Variants in COL9A3 observed in about 807,000 individuals in gnomAD.
COL9A3 encodes collagen type IX alpha 3 chain.
A neutral mutation model predicts 110.2 loss-of-function variants in COL9A3; 82 were observed. That is an observed-to-expected ratio of 0.74 (90% confidence interval 0.62 to 0.89). COL9A3 has a LOEUF of 0.89. Ranked by LOEUF, COL9A3 falls within the 40% of genes least tolerant of loss-of-function variation. The pLI, the probability that COL9A3 is intolerant of heterozygous loss-of-function variation, is 0.00. For missense variants in COL9A3, 1,066 were observed against 981.3 expected (o/e 1.09, Z -1.15); for synonymous variants, 494 against 403.8 (o/e 1.22, Z -2.68).
intron 10 of COL9A3, among the ~76,000 whole-genome samples, chr20:62,823,612 C>T (rs918729362): frequency 6.6e-6 from 1 of 152,190 alleles, no homozygotes; most frequent in Non-Finnish European, 1.5e-5. Flanking sequence ...GGCCCCCGAT[C>T]GTGGGCTGAG....
intron 26 of COL9A3, among the ~76,000 whole-genome samples, chr20:62,835,357 CAGAG>C (rs962945882): frequency 5.3e-5 from 8 of 152,152 alleles, no homozygotes; most frequent in Non-Finnish European, 1.2e-4. Flanking sequence ...GAGGAGGTGC[CAGAG>C]AGAGAAAGGG....
intron 30 of COL9A3, among the ~76,000 whole-genome samples, chr20:62,837,488 A>G (rs916711473): frequency 1.4e-4 from 22 of 152,302 alleles, no homozygotes; most frequent in Admixed American, 3.3e-4. Context: ...CCATTAGAAC[A>G]ATATTTGGCA....
chr20:62,817,377 G>C, intron 1 of COL9A3, 190 bp from the exon 2 acceptor site: 2 of 534,930 alleles, frequency 3.7e-6, no homozygotes, highest in East Asian at 7.0e-5. Context: ...GGGGGCCTTT[G>C]TTCCCGCCGC....
chr20:62,833,984 C>G (rs1435623824), intron 26 of COL9A3, among the ~76,000 whole-genome samples: 1 of 152,194 alleles, frequency 6.6e-6, no homozygotes. Context: ...AGCGATTCTC[C>G]TGCCTCAGCT....
rs369052232 is a variant in COL9A3, at chr20:62,840,931, A to C, written c.*199A>C. On this transcript the variant is annotated 3_prime_UTR_variant, in exon 32 of 32. Transcript: ENST00000649368. ...CTGACAGCATACCTCAAAAGGCCCTAGCTAATAAACCTGTAAGCCCAGCAT... is the reference window on the plus strand; with the variant it reads ...CTGACAGCATACCTCAAAAGGCCCTCGCTAATAAACCTGTAAGCCCAGCAT... 1 of 610,194 alleles carries C rather than the reference A, an allele frequency of 1.6e-6. No individual in the cohort carries two copies. The allele number at this position is 610,194 out of a possible 1,614,324, so 37.8% of individuals were successfully genotyped here.
intron 13 of COL9A3, 62 bp downstream of exon 13, chr20:62,825,932 CT>C: frequency 6.7e-7 from 1 of 1,502,958 alleles, no homozygotes; most frequent in Non-Finnish European, 9.0e-7. Context: ...TGATCAAGCC[CT>C]GCACATATCT....
At chr20:62,821,879 A>T in intron 8 of COL9A3, 69 bp downstream of exon 8, 1 of 888,806 alleles carries the variant, frequency 1.1e-6, no homozygotes, top group Non-Finnish European at 1.9e-6. Flanking sequence ...CTCAACAGCC[A>T]GGGGCTCCCT....
At chr20:62,834,667 G>A (rs567527523) in intron 26 of COL9A3, among the ~76,000 whole-genome samples, 5 of 151,450 alleles carry the variant, frequency 3.3e-5, no homozygotes, top group East Asian at 3.9e-4. Context: ...TTTTTGAGAC[G>A]GAGTCTTGCT....
Position 62,825,851 on chromosome 20 carries a change from C to A in COL9A3, c.665C>A (p.Pro222Gln). The part of the protein sequence containing the change: ...DPGPPGPAGL[P>Q]GSVGLQGPRG... ...GGCCCCCCTGGGCCCGCCGGCCTCC[C>A]GGGCAGCGTGGGGCTGCAGGTGAGG... The change falls in exon 13 of 32, where the codon CCG becomes CAG. Residue 222 changes from proline (P) to glutamine (Q), a missense_variant. By Grantham distance (76) the Pro-to-Gln change is moderately conservative. Transcript: ENST00000649368. The A allele has an allele frequency of 1.3e-6, 2 of 1,559,258 alleles. No individual in the cohort carries two copies. Among genetic ancestry groups the A allele is most frequent in the East Asian group, 4.8e-5 (2 of 41,974 alleles).
chr20:62,818,496 A>G (rs1991009140), intron 2 of COL9A3, 22 bp from the exon 3 acceptor site: 8 of 1,612,094 alleles, frequency 5.0e-6, no homozygotes, highest in South Asian at 1.1e-5. Context: ...TCAGGGTTAC[A>G]TGTGGGTGTC....
At chr20:62,818,057 A>C (rs527438715) in intron 2 of COL9A3, among the ~76,000 whole-genome samples, 2 of 152,014 alleles carry the variant, frequency 1.3e-5, no homozygotes, top group Non-Finnish European at 2.9e-5. Context: ...GATGTCCCCT[A>C]TGGGTATCTC....
chr20:62,816,732 C>T (rs999159321), upstream of COL9A3, among the ~76,000 whole-genome samples: 12 of 152,292 alleles, frequency 7.9e-5, no homozygotes, highest in Non-Finnish European at 1.2e-4. Flanking sequence ...CCGCGCGCTT[C>T]CGCCCCCACA....
At chr20:62,838,574 C>T (rs951583857) in intron 30 of COL9A3, 110 bp from the exon 31 acceptor site, 1 of 1,020,810 alleles carries the variant, frequency 9.8e-7, no homozygotes, top group Non-Finnish European at 1.5e-6. Flanking sequence ...AATGTTTCCA[C>T]TTCAGTGAAA....
At chr20:62,822,515 G>A in intron 9 of COL9A3, 76 bp from the exon 10 acceptor site, 1 of 1,498,766 alleles carries the variant, frequency 6.7e-7, no homozygotes, top group Admixed American at 1.7e-5. Flanking sequence ...GTCCGTCAGA[G>A]AGTGGGTGGG....
At chr20:62,818,316 C>G (rs938042506) in intron 2 of COL9A3, among the ~76,000 whole-genome samples, 1 of 152,218 alleles carries the variant, frequency 6.6e-6, no homozygotes, top group South Asian at 2.1e-4. Context: ...TCCAGTCTGT[C>G]CAGTTCACCC....
chr20:62,838,708 A>G lies in COL9A3; in HGVS notation c.1811A>G (p.Lys604Arg). Residue 604 changes from lysine (K) to arginine (R), a missense_variant, in exon 31 of 32, where the codon AAA (lysine) becomes AGA (arginine). Coordinates refer to ENST00000649368, the MANE Select transcript of COL9A3 (RefSeq NM_001853.4). Reference protein sequence around the residue: ...PRGNQGDRGDKGAAGAGLDGP... With the variant: ...PRGNQGDRGDRGAAGAGLDGP... ...GGAAACCAGGGTGACAGAGGAGACA[A>G]AGGCGCGGCAGGAGCAGGGCTGGAC... 1 of 1,552,862 alleles carries G rather than the reference A, an allele frequency of 6.4e-7. No homozygotes were observed. The highest frequency in any genetic ancestry group is 8.7e-7 in the Non-Finnish European group (1 of 1,147,602).
chr20:62,826,623 A>G, intron 14 of COL9A3, 144 bp from the exon 15 acceptor site: 1 of 828,824 alleles, frequency 1.2e-6, no homozygotes, highest in Non-Finnish European at 2.0e-6. Flanking sequence ...GGATTTGGAG[A>G]CTACTAGGTG....
At chr20:62,817,506 G>A in intron 1 of COL9A3, 61 bp from the exon 2 acceptor site, 1 of 1,216,802 alleles carries the variant, frequency 8.2e-7, no homozygotes, top group Non-Finnish European at 1.2e-6. Flanking sequence ...CCGGGAGGAG[G>A]GGACGCCGGG....
chr20:62,826,926 C>A, intron 15 of COL9A3, 106 bp downstream of exon 15: 1 of 1,280,504 alleles, frequency 7.8e-7, no homozygotes, highest in Non-Finnish European at 1.1e-6. Flanking sequence ...TCTTCTGTGG[C>A]TGAGCTGTTC....
Sources: gnomAD v4.1 joint callset for allele counts (sites outside exome capture counted in the v4.1 genomes callset) on GRCh38, gnomAD v4.1.1 for gene constraint, MANE v1.5 for transcripts, NCBI Gene and HGNC (gene_info 2026-07-23, HGNC 2026-07-21) for gene names.